SYTL2: variants seen among roughly 807,000 people sequenced by gnomAD.
The protein encoded by SYTL2 is synaptotagmin like 2, also known as synaptotagmin-like protein 2.
SYTL2 carries 165 observed loss-of-function variants against 198.7 expected under a neutral mutation model. The observed-to-expected ratio is 0.83, with a 90% confidence interval of 0.73 to 0.94. The LOEUF (loss-of-function observed/expected upper bound fraction) is 0.94, where lower values mean the gene tolerates loss of function less well. SYTL2 is among the 40% of genes least tolerant of loss of function. SYTL2 has a pLI of 0.00. For synonymous variants in SYTL2, 966 were observed against 917.7 expected (o/e 1.05, Z -0.95); for missense variants, 2,835 against 2,582.8 (o/e 1.10, Z -2.12).
At chr11:85,802,706 CATTT>C (rs1331921468) in intron 1 of SYTL2, among the ~76,000 whole-genome samples, 1 of 152,132 alleles carries the variant, frequency 6.6e-6, no homozygotes, top group Non-Finnish European at 1.5e-5. Context: ...ATAGAACTGA[CATTT>C]ATTGAATAGT....
chr11:85,731,301 G>C (rs1426455853), intron 7 of SYTL2, among the ~76,000 whole-genome samples: 2 of 152,160 alleles, frequency 1.3e-5, no homozygotes, highest in Non-Finnish European at 1.5e-5. Context: ...AAAGAACAAA[G>C]CTGGAGGCAT....
chr11:85,722,599 G>A (rs1403174586), intron 8 of SYTL2, among the ~76,000 whole-genome samples: 5 of 151,962 alleles, frequency 3.3e-5, no homozygotes, highest in African/African-American at 1.2e-4. Flanking sequence ...TCTCCTGTGG[G>A]TCAGTTTACA....
chr11:85,750,260 C>T (rs192290590), intron 2 of SYTL2, among the ~76,000 whole-genome samples: 2 of 152,292 alleles, frequency 1.3e-5, no homozygotes, highest in East Asian at 3.9e-4. Flanking sequence ...AAGACCTACC[C>T]TCCAGGACTT....
rs749849250 is a variant in SYTL2, at chr11:85,724,461, TGA to T, written c.4895_4896del (p.Val1632GlufsTer4). Reference sequence around the variant, plus strand: ...CCTCCCAACATTTTATCACATTGGTTGACTTGAGATTCCAAACCATTACTTTT... The same window carrying T: ...CCTCCCAACATTTTATCACATTGGTTCTTGAGATTCCAAACCATTACTTTT... ...KDKSNGLESQ[V>X]NQCDKMLGGD... On this transcript the variant is annotated frameshift_variant, in exon 8 of 20. Transcript: ENST00000359152. LOFTEE classifies it high-confidence loss of function. 2.5e-6 allele frequency: 4 copies of T among 1,613,110 alleles called. No individual in the cohort carries two copies. In the South Asian group the frequency reaches 3.3e-5, roughly 13 times the overall value.
At chr11:85,700,124 C>T (rs1336878996) in intron 17 of SYTL2, among the ~76,000 whole-genome samples, 2 of 151,958 alleles carry the variant, frequency 1.3e-5, no homozygotes, top group Non-Finnish European at 2.9e-5. Context: ...TGAGAACTTT[C>T]TTATAGAAAC....
chr11:85,794,070 A>G (rs1173360161), intron 1 of SYTL2, among the ~76,000 whole-genome samples: 1 of 152,152 alleles, frequency 6.6e-6, no homozygotes, highest in Non-Finnish European at 1.5e-5. Flanking sequence ...GGGTCTCACT[A>G]TGCTGCCCAG....
intron 1 of SYTL2, among the ~76,000 whole-genome samples, chr11:85,777,272 TAACATGGGGTTAAG>T (rs1207210446): frequency 2.6e-5 from 4 of 152,212 alleles, no homozygotes; most frequent in Non-Finnish European, 5.9e-5. Flanking sequence ...GGAAGAGGGC[TAACATGGGGTTAAG>T]AACATGTAAT....
chr11:85,773,228 T>C (rs1479256686), intron 1 of SYTL2, among the ~76,000 whole-genome samples: 1 of 152,182 alleles, frequency 6.6e-6, no homozygotes, highest in Non-Finnish European at 1.5e-5. Context: ...GTACAGTCAA[T>C]GGCTTCACTG....
the SYTL2 span, among the ~76,000 whole-genome samples, chr11:85,840,337 G>A: frequency 6.6e-6 from 1 of 152,106 alleles, no homozygotes; most frequent in Admixed American, 6.6e-5. Context: ...CTGTGCTTGT[G>A]GGGTATTACT....
intron 14 of SYTL2, among the ~76,000 whole-genome samples, chr11:85,708,573 C>A (rs1332419763): frequency 6.6e-6 from 1 of 152,088 alleles, no homozygotes; most frequent in East Asian, 1.9e-4. Flanking sequence ...TATGAAAATT[C>A]TCTCATTCTA....
At chr11:85,766,663 A>T (rs1325174796) in intron 1 of SYTL2, among the ~76,000 whole-genome samples, 1 of 152,138 alleles carries the variant, frequency 6.6e-6, no homozygotes, top group Non-Finnish European at 1.5e-5. Context: ...GAAGAGGGTA[A>T]TTTGTATGCG....
At chr11:85,772,515 T>C (rs563159762) in intron 1 of SYTL2, among the ~76,000 whole-genome samples, 4 of 152,396 alleles carry the variant, frequency 2.6e-5, no homozygotes, top group Non-Finnish European at 5.9e-5. Flanking sequence ...CCAGGCATTA[T>C]GTCTCTGAAT....
At chr11:85,794,953 A>G (rs79107815) in intron 1 of SYTL2, among the ~76,000 whole-genome samples, 3,220 of 152,122 alleles carry the variant, frequency 0.021, 65 homozygotes, top group Admixed American at 0.039. Context: ...TTCCTTTACA[A>G]TATCACTAAG....
chr11:85,756,997 C>T (rs567645759), intron 2 of SYTL2, among the ~76,000 whole-genome samples: 7 of 152,310 alleles, frequency 4.6e-5, no homozygotes, highest in Admixed American at 2.6e-4. Context: ...CTTCAGCATC[C>T]TGGCCTAGTG....
chr11:85,776,010 C>A (rs2092445423), intron 1 of SYTL2, among the ~76,000 whole-genome samples: 1 of 151,930 alleles, frequency 6.6e-6, no homozygotes, highest in Non-Finnish European at 1.5e-5. Context: ...GGGGTAGATC[C>A]CTCACAAATA....
chr11:85,770,447 C>T (rs2092331849), intron 1 of SYTL2, among the ~76,000 whole-genome samples: 1 of 152,224 alleles, frequency 6.6e-6, no homozygotes, highest in Non-Finnish European at 1.5e-5. Flanking sequence ...CAAAGCACCA[C>T]TCTCATCATG....
chr11:85,717,618 C>G (rs1277280765), intron 10 of SYTL2, 88 bp from the exon 11 acceptor site: 4 of 1,056,710 alleles, frequency 3.8e-6, no homozygotes, highest in Non-Finnish European at 5.9e-6. Flanking sequence ...GTCAGTTTCA[C>G]AACTGAGACA....
chr11:85,826,379 A>G, the SYTL2 span, among the ~76,000 whole-genome samples: 1 of 152,360 alleles, frequency 6.6e-6, no homozygotes, highest in African/African-American at 2.4e-5. Context: ...GTTTGGGCAG[A>G]TGGCCAGGCT....
intron 4 of SYTL2, 130 bp from the exon 5 acceptor site, chr11:85,737,786 T>C (rs1470860541): frequency 2.8e-6 from 2 of 720,128 alleles, no homozygotes; most frequent in African/African-American, 3.6e-5. Flanking sequence ...AAGGATTCTC[T>C]AGAGAATTAT....
Sources: gnomAD v4.1 joint callset for allele counts (sites outside exome capture counted in the v4.1 genomes callset) on GRCh38, gnomAD v4.1.1 for gene constraint, MANE v1.5 for transcripts, NCBI Gene and HGNC (gene_info 2026-07-23, HGNC 2026-07-21) for gene names.